SMARCAL1: variants seen among roughly 807,000 people sequenced by gnomAD.
SMARCAL1 encodes the protein ATP-driven annealing helicase.
SMARCAL1 carries 58 observed loss-of-function variants against 94.5 expected under a neutral mutation model. The observed-to-expected ratio is 0.61, with a 90% CI of 0.50 to 0.76. The LOEUF (loss-of-function observed/expected upper bound fraction) is 0.76, where lower values mean the gene tolerates loss of function less well. Among genes scored for constraint, SMARCAL1 ranks in the 30% least tolerant of loss-of-function variants. The probability of loss-of-function intolerance (pLI) is 0.00; values close to 1 mark genes in which losing one functional copy is unlikely to be tolerated. For missense variants in SMARCAL1, 1,051 were observed against 1,177.9 expected (o/e 0.89, Z 1.58); for synonymous variants, 422 against 455.1 (o/e 0.93, Z 0.93).
chr2:216,414,995 A>G lies in SMARCAL1; in HGVS notation c.291A>G (p.Ile97Met). ...CCCACAGTTTTCAGGCAAAGGGAAT[A>G]TGGAAAAAGCCAGAAGAAATGCCCA... is the stretch of plus-strand genomic sequence containing the variant. ...HDSHSFQAKGIWKKPEEMPTA... is the reference protein window; with the variant it reads ...HDSHSFQAKGMWKKPEEMPTA... The change falls in exon 3 of 18, where the codon ATA becomes ATG. Residue 97 changes from isoleucine to methionine, a missense_variant. By Grantham distance (10) the Ile-to-Met change is conservative (BLOSUM62 1). Transcript: ENST00000357276. 1 of 1,614,212 alleles carries G rather than the reference A, an allele frequency of 6.2e-7. No homozygotes were observed. The highest frequency in any genetic ancestry group is 1.3e-5 in the African/African-American group (1 of 75,046).
Position 216,415,342 on chromosome 2 carries a change from G to C in SMARCAL1, c.638G>C (p.Ser213Thr). 1.9e-6 allele frequency: 3 copies of C among 1,614,260 alleles called. No individual in the cohort carries two copies. The highest frequency in any genetic ancestry group is 2.5e-6 in the Non-Finnish European group (3 of 1,180,044). Residue 213 changes from serine to threonine, a missense_variant, in exon 3 of 18, where the codon AGT becomes ACT. Physicochemically the swap from Ser to Thr is moderately conservative, Grantham distance 58. Transcript: ENST00000357276. ...NISYIHSSSE[S>T]VTPRTEGRLQ... The stretch of plus-strand genomic sequence containing the variant: ...TCTTACATCCATTCTAGCTCAGAGA[G>C]TGTAACGCCCAGGACAGAAGGAAGA...
chr2:216,462,661 C>T (rs867625140), intron 12 of SMARCAL1, among the ~76,000 whole-genome samples: 2 of 152,098 alleles, frequency 1.3e-5, no homozygotes, highest in East Asian at 1.9e-4. Context: ...TCTTTTTTCC[C>T]GTAAAGTCCT....
In SMARCAL1 at chr2:216,477,113, T is replaced by C; in HGVS notation, c.2432T>C (p.Leu811Pro). The C allele has an allele frequency of 6.4e-7, 1 of 1,572,136 alleles. No individual in the cohort carries two copies. ...TCTCAATTCCTGGACACACAGGTGC[T>C]GATCCAGGCTGAGGACCGCGTGCAC... ...FAELFWNPGV[L>P]IQAEDRVHRI... Residue 811 changes from leucine to proline, a missense_variant, in exon 16 of 18, where the codon CTG (leucine) becomes CCG (proline). By Grantham distance (98) the Leu-to-Pro change is moderately conservative. This residue lies in a region of SMARCAL1 where 642 missense variants were observed against 754.7 expected (regional missense o/e 0.85). Coordinates refer to ENST00000357276, the MANE Select transcript of SMARCAL1 (RefSeq NM_014140.4).
At chr2:216,464,708 T>TAAA in intron 13 of SMARCAL1, 41 bp downstream of exon 13, 3 of 1,055,644 alleles carry the variant, frequency 2.8e-6, no homozygotes, top group Non-Finnish European at 4.2e-6. Flanking sequence ...TCTCTCATCT[T>TAAA]CAAAAAAAAA....
chr2:216,448,656 G>A (rs1385292930), intron 11 of SMARCAL1, among the ~76,000 whole-genome samples: 2 of 152,080 alleles, frequency 1.3e-5, no homozygotes, highest in East Asian at 3.8e-4. Context: ...GTTGGATTGT[G>A]ACTATCCCAA....
intron 3 of SMARCAL1, chr2:216,416,045 T>C: frequency 1.9e-6 from 1 of 526,280 alleles, no homozygotes; most frequent in Non-Finnish European, 3.5e-6. Flanking sequence ...GTTCATAACT[T>C]CCCAGGGCCT....
intron 8 of SMARCAL1, among the ~76,000 whole-genome samples, chr2:216,433,115 G>T (rs1466279462): frequency 6.6e-6 from 1 of 152,128 alleles, no homozygotes; most frequent in Non-Finnish European, 1.5e-5. Flanking sequence ...TCATCTGTCA[G>T]CAGGCACTTC....
At chr2:216,457,284 A>G (rs1694588234) in intron 12 of SMARCAL1, among the ~76,000 whole-genome samples, 1 of 152,202 alleles carries the variant, frequency 6.6e-6, no homozygotes, top group South Asian at 2.1e-4. Context: ...GATCAACGAG[A>G]CAGAAAGTTA....
chr2:216,430,646 C>T (rs916290656), intron 7 of SMARCAL1, among the ~76,000 whole-genome samples: 6 of 152,128 alleles, frequency 3.9e-5, no homozygotes, highest in African/African-American at 7.2e-5. Context: ...TGGGCTCCCT[C>T]TAGGCAGGGG....
At chr2:216,462,857 G>A (rs759648566) in intron 12 of SMARCAL1, among the ~76,000 whole-genome samples, 1 of 151,824 alleles carries the variant, frequency 6.6e-6, no homozygotes, top group African/African-American at 2.4e-5. Flanking sequence ...TGGTGTGGTG[G>A]TGCATACCTT....
chr2:216,414,539 T>C, intron 2 of SMARCAL1, 108 bp from the exon 3 acceptor site: 1 of 668,916 alleles, frequency 1.5e-6, no homozygotes, highest in South Asian at 1.8e-5. Flanking sequence ...CATCCTTTAG[T>C]TGTGCTCATT....
At chr2:216,446,957 T>C in intron 10 of SMARCAL1, 61 bp from the exon 11 acceptor site, 1 of 1,610,918 alleles carries the variant, frequency 6.2e-7, no homozygotes, top group East Asian at 2.2e-5. Context: ...CTGGGGCATT[T>C]TGAACATTTC....
Position 216,428,691 on chromosome 2 carries a change from A to G in SMARCAL1, c.1243A>G (p.Ser415Gly), listed in dbSNP as rs58848916. 1.3e-3 allele frequency: 2,171 copies of G among 1,614,138 alleles called. 25 individuals are homozygous for G. In the African/African-American group the frequency reaches 0.025, roughly 19 times the overall value. The change falls in exon 7 of 18, where the codon AGT (serine) becomes GGT (glycine). Residue 415 changes from serine to glycine, a missense_variant. Coordinates refer to ENST00000357276, the MANE Select transcript of SMARCAL1 (RefSeq NM_014140.4). Reference protein sequence around the residue: ...FASQLKKTSLSLTPDVPEADL... With the variant: ...FASQLKKTSLGLTPDVPEADL... ...TTCTCAGCTCAAGAAGACATCTCTC[A>G]GTCTCACGCCAGATGTCCCAGAGGC... is the stretch of plus-strand genomic sequence containing the variant.
At chr2:216,466,706 A>G (rs769807370) in intron 13 of SMARCAL1, among the ~76,000 whole-genome samples, 5 of 152,202 alleles carry the variant, frequency 3.3e-5, no homozygotes, top group Non-Finnish European at 7.3e-5. Flanking sequence ...TGTGGTTTTT[A>G]TGAGCTCACC....
At chr2:216,463,587 T>C (rs1338965791) in intron 12 of SMARCAL1, among the ~76,000 whole-genome samples, 3 of 152,194 alleles carry the variant, frequency 2.0e-5, no homozygotes, top group Non-Finnish European at 2.9e-5. Context: ...GTAAATGTTA[T>C]CTCACATTAT....
chr2:216,481,203 T>G (rs1695189157), intron 17 of SMARCAL1, among the ~76,000 whole-genome samples: 1 of 148,112 alleles, frequency 6.8e-6, no homozygotes, highest in Non-Finnish European at 1.5e-5. Context: ...TATTTATTTA[T>G]TTATTTAGAG....
At chr2:216,462,961 A>T (rs1694739049) in intron 12 of SMARCAL1, among the ~76,000 whole-genome samples, 1 of 152,136 alleles carries the variant, frequency 6.6e-6, no homozygotes, top group Non-Finnish European at 1.5e-5. Flanking sequence ...AGCCTGGGTG[A>T]CAGAGCATGA....
At chr2:216,436,705 A>T (rs1176640886) in intron 9 of SMARCAL1, among the ~76,000 whole-genome samples, 1 of 152,212 alleles carries the variant, frequency 6.6e-6, no homozygotes, top group African/African-American at 2.4e-5. Context: ...GATGATGGGG[A>T]TGGCTCTACA....
rs576450027 is a variant in SMARCAL1 at position 216,414,657 on chromosome 2, C to T, written c.-48C>T. 11 of 1,555,176 alleles carry T rather than the reference C, an allele frequency of 7.1e-6. No homozygotes were observed. The African/African-American group carries it at 8.1e-5, about 11-fold the overall frequency. The stretch of plus-strand genomic sequence containing the variant: ...TACTTTCTTCCACAGCTTTTGCCAA[C>T]TTTCCAATTAAAGGTTGACATTCCT... On this transcript the variant is annotated 5_prime_UTR_variant, in exon 3 of 18. Coordinates refer to ENST00000357276, the MANE Select transcript of SMARCAL1 (RefSeq NM_014140.4).
Sources: allele counts gnomAD v4.1 joint callset (sites outside exome capture counted in the v4.1 genomes callset), GRCh38; gene constraint gnomAD v4.1.1; regional missense constraint gnomAD v4.1.1; transcripts MANE v1.5; gene names NCBI Gene and HGNC (gene_info 2026-07-23, HGNC 2026-07-21).